The following SBNO1 variants were observed in gnomAD, a reference collection of about 807,000 sequenced individuals.
The protein encoded by SBNO1 is protein strawberry notch homolog 1.
A neutral mutation model predicts 173.6 loss-of-function variants in SBNO1; 23 were observed. The ratio of observed to expected loss-of-function variants is 0.13; its 90% CI spans 0.10 to 0.19. SBNO1 has a LOEUF of 0.19. SBNO1 is among the 10% of genes least tolerant of loss of function. The pLI is 1.00. For synonymous variants in SBNO1, 632 were observed against 571.5 expected (o/e 1.11, Z -1.51); for missense variants, 1,238 against 1,671.2 (o/e 0.74, Z 4.52).
At chr12:123,345,020 T>C (rs1202540535) in intron 4 of SBNO1, among the ~76,000 whole-genome samples, 3 of 152,220 alleles carry the variant, frequency 2.0e-5, no homozygotes, top group Admixed American at 1.3e-4. Context: ...TAAGATTTCA[T>C]GTTGCTAACG....
chr12:123,304,825 A>C (rs2048875189), intron 28 of SBNO1, 106 bp from the exon 29 acceptor site: 1 of 773,174 alleles, frequency 1.3e-6, no homozygotes, highest in Admixed American at 2.7e-5. Context: ...CTATAACACT[A>C]AGTAAGTACA....
intron 5 of SBNO1, among the ~76,000 whole-genome samples, 184 bp downstream of exon 5, chr12:123,340,804 T>C (rs1872470964): frequency 6.6e-6 from 1 of 152,140 alleles, no homozygotes; most frequent in South Asian, 2.1e-4. Context: ...CTGCAAGTTT[T>C]AACCACCCTG....
At chr12:123,362,727 C>G (rs2139119613) in intron 1 of SBNO1, among the ~76,000 whole-genome samples, 1 of 138,272 alleles carries the variant, frequency 7.2e-6, no homozygotes, top group South Asian at 2.2e-4. Flanking sequence ...CGAGTTCATA[C>G]CACTACACTC....
At chr12:123,363,421 T>C (rs1396050243) in intron 1 of SBNO1, among the ~76,000 whole-genome samples, 1 of 152,198 alleles carries the variant, frequency 6.6e-6, no homozygotes, top group Non-Finnish European at 1.5e-5. Context: ...GTTAAGTCAA[T>C]TCCTGCTAGG....
intron 1 of SBNO1, among the ~76,000 whole-genome samples, chr12:123,355,376 A>C (rs1383085911): frequency 7.9e-5 from 12 of 152,050 alleles, no homozygotes; most frequent in Admixed American, 7.9e-4. Context: ...AACGCTGGGC[A>C]CGGTGGCTCC....
In SBNO1 at chr12:123,320,825, T is replaced by C. The variant is rs1869869863; in HGVS notation, c.2365A>G (p.Lys789Glu). ...IRKDHKKNKE[K>E]KKKKSIDPDS... is the part of the protein sequence containing the mutation. ...GGATCTATACTTTTCTTCTTTTTTTTCTCTTTGTTTTTCTTGTGGTCTTTT... is the reference window on the plus strand; with the variant it reads ...GGATCTATACTTTTCTTCTTTTTTTCCTCTTTGTTTTTCTTGTGGTCTTTT... The change falls in exon 18 of 32, where the codon AAA becomes GAA. Residue 789 changes from lysine to glutamate, a missense_variant. By Grantham distance (56) the Lys-to-Glu change is moderately conservative. Around this residue, in one of 14 missense-constraint regions of SBNO1, gnomAD observed 33 missense variants for 29.6 expected, o/e 1.11. Transcript: ENST00000602398. 2 of 1,596,654 alleles carry C rather than the reference T, an allele frequency of 1.3e-6. No homozygotes were observed. The highest frequency in any genetic ancestry group is 1.7e-6 in the Non-Finnish European group (2 of 1,173,740).
rs914840856 is a variant in SBNO1, at chr12:123,295,028, C to T, written c.*880G>A. 6 of 152,200 alleles carry T rather than the reference C, an allele frequency of 3.9e-5. No homozygotes were observed. The highest frequency in any genetic ancestry group is 1.4e-4 in the African/African-American group (6 of 41,462). The allele number at this position is 152,200 out of a possible 1,614,324, so 9.4% of individuals were successfully genotyped here. On this transcript the variant is annotated 3_prime_UTR_variant, in exon 32 of 32. Transcript: ENST00000602398. ...TTTGCAAGATGAAAGCCAATTTGTA[C>T]TTCCTTCTAAAACTACCTTTAAGTT...
chr12:123,335,223 G>C (rs1871698187), intron 6 of SBNO1, among the ~76,000 whole-genome samples: 1 of 152,182 alleles, frequency 6.6e-6, no homozygotes, highest in African/African-American at 2.4e-5. Flanking sequence ...TGGATCTCCT[G>C]AGGTCAGGCA....
intron 17 of SBNO1, 54 bp from the exon 18 acceptor site, chr12:123,320,920 T>G: frequency 1.5e-6 from 2 of 1,344,864 alleles, no homozygotes; most frequent in Non-Finnish European, 2.0e-6. Context: ...AAGTACAGAA[T>G]CTTCAAAGGA....
At chr12:123,360,215 C>G (rs1357295704) in intron 1 of SBNO1, among the ~76,000 whole-genome samples, 2 of 150,220 alleles carry the variant, frequency 1.3e-5, no homozygotes, top group Non-Finnish European at 3.0e-5. Flanking sequence ...CATTGCACTC[C>G]AGCCTCGGTG....
rs763257917 is a variant in SBNO1 at position 123,296,025 on chromosome 12, C to T, written c.4065G>A (p.Val1355=). 1 of 1,613,736 alleles carries T rather than the reference C, an allele frequency of 6.2e-7. No homozygotes were observed. Among genetic ancestry groups the T allele is most frequent in the Non-Finnish European group, 8.5e-7 (1 of 1,179,660 alleles). ...IVGLIIPANC[V]SPLVNLLSTS... is the part of the protein sequence containing the mutation. Reference sequence around the variant, plus strand: ...TTGATAGGAGATTTACAAGAGGAGACACACAATTTGCCGGAATGATCAAAC... The same window carrying T: ...TTGATAGGAGATTTACAAGAGGAGATACACAATTTGCCGGAATGATCAAAC... The change falls in exon 32 of 32, where the codon GTG becomes GTA. Residue 1355 remains valine (V), a synonymous_variant. Coordinates refer to ENST00000602398, the MANE Select transcript of SBNO1 (RefSeq NM_001167856.3).
chr12:123,332,377 C>T (rs1365511787), intron 7 of SBNO1, among the ~76,000 whole-genome samples: 1 of 152,052 alleles, frequency 6.6e-6, no homozygotes, highest in Non-Finnish European at 1.5e-5. Flanking sequence ...CCGCAACCTC[C>T]GCCTCCTGAG....
intron 24 of SBNO1, 115 bp from the exon 25 acceptor site, chr12:123,311,244 A>AT (rs1868457507): frequency 1.4e-6 from 1 of 711,288 alleles, no homozygotes; most frequent in Non-Finnish European, 2.5e-6. Context: ...AAACACCTTG[A>AT]TATTTATATA....
intron 16 of SBNO1, among the ~76,000 whole-genome samples, chr12:123,322,693 C>T (rs975517468): frequency 6.6e-6 from 1 of 151,382 alleles, no homozygotes; most frequent in Non-Finnish European, 1.5e-5. Flanking sequence ...ATTGCTTAAG[C>T]TCAGGAGTTT....
Position 123,316,386 on chromosome 12 carries a change from G to A in SBNO1, c.2936-726C>T, listed in dbSNP as rs146597630. Among the ~76,000 whole-genome samples the A allele has an allele frequency of 5.6e-3, 844 of 151,134 alleles. 2 individuals carry two copies. The highest frequency in any genetic ancestry group is 9.0e-3 in the Non-Finnish European group (611 of 67,786). ...ATTACAGGCATGCACCACCACGCCC[G>A]GCTAATTTTGTATTTTTAGTACAGA... On this transcript the variant is annotated intron_variant, in intron 21 of 31. Coordinates refer to ENST00000602398, the MANE Select transcript of SBNO1 (RefSeq NM_001167856.3).
intron 5 of SBNO1, among the ~76,000 whole-genome samples, chr12:123,338,917 C>G (rs1213270299): frequency 2.3e-4 from 3 of 13,202 alleles, no homozygotes; most frequent in South Asian, 0.011. Flanking sequence ...CACACGCCCC[C>G]CCCCCCCTCC....
At chr12:123,308,599 C>T (rs2048980727) in intron 28 of SBNO1, among the ~76,000 whole-genome samples, 1 of 151,804 alleles carries the variant, frequency 6.6e-6, no homozygotes, top group Non-Finnish European at 1.5e-5. Context: ...GGCATGAACC[C>T]GGGAGGTGGA....
rs78221238 is a variant in SBNO1 at position 123,290,393 on chromosome 12, G to T, written c.*5515C>A. 6.6e-6 allele frequency: 1 copy of T among 152,184 alleles called. No homozygotes were observed. Among genetic ancestry groups the T allele is most frequent in the Non-Finnish European group, 1.5e-5 (1 of 68,032 alleles). The allele number at this position is 152,184 out of a possible 1,614,324, so 9.4% of individuals were successfully genotyped here. ...CCCAAAGACGCTCACGGCAATCCTTGAAAGTTATAAAGGAACATTTTCTTA... is the reference window on the plus strand; with the variant it reads ...CCCAAAGACGCTCACGGCAATCCTTTAAAGTTATAAAGGAACATTTTCTTA... On this transcript the variant is annotated 3_prime_UTR_variant, in exon 32 of 32. Coordinates refer to ENST00000602398, the MANE Select transcript of SBNO1 (RefSeq NM_001167856.3).
At chr12:123,328,061 A>C in intron 10 of SBNO1, 34 bp from the exon 11 acceptor site, 8 of 1,531,596 alleles carry the variant, frequency 5.2e-6, no homozygotes, top group Non-Finnish European at 7.1e-6. Context: ...GTATCACATT[A>C]GTATTAAGTA....
Sources: gnomAD v4.1 joint callset for allele counts (sites outside exome capture counted in the v4.1 genomes callset) on GRCh38, gnomAD v4.1.1 for gene constraint, gnomAD v4.1.1 regional missense constraint, MANE v1.5 for transcripts, NCBI Gene and HGNC (gene_info 2026-07-23, HGNC 2026-07-21) for gene names.